ZFAND4: variants seen among roughly 807,000 people sequenced by gnomAD.
The protein encoded by ZFAND4 is zinc finger AN1-type containing 4.
A neutral mutation model predicts 64.4 loss-of-function variants in ZFAND4; 43 were observed. That is an observed-to-expected ratio of 0.67 (90% CI 0.52 to 0.86). ZFAND4 has a LOEUF of 0.86. Ranked by LOEUF, ZFAND4 falls within the 40% of genes least tolerant of loss-of-function variation. The pLI is 0.00. For missense variants in ZFAND4, 929 were observed against 859.8 expected, an observed-to-expected ratio of 1.08 and a Z score of -1.01; for synonymous variants, 296 against 305.7, an observed-to-expected ratio of 0.97 and a Z score of 0.33.
intron 6 of ZFAND4, among the ~76,000 whole-genome samples, chr10:45,635,227 AAC>A (rs1450405123): frequency 7.2e-5 from 10 of 138,616 alleles, no homozygotes; most frequent in South Asian, 2.2e-4. Context: ...AAAAAAAACA[AAC>A]AAAAAAAAAC....
intron 9 of ZFAND4, among the ~76,000 whole-genome samples, chr10:45,617,613 A>G (rs1400400260): frequency 6.9e-6 from 1 of 145,734 alleles, no homozygotes; most frequent in African/African-American, 2.5e-5. Flanking sequence ...AAAAAAAAAA[A>G]GTCCGCAGCA....
intron 5 of ZFAND4, among the ~76,000 whole-genome samples, chr10:45,647,132 A>G (rs1262041703): frequency 6.6e-6 from 1 of 152,180 alleles, no homozygotes; most frequent in Non-Finnish European, 1.5e-5. Context: ...ATGGCAAAGG[A>G]CGTTGCAGAT....
Position 45,635,203 on chromosome 10 carries a change from A to AC in ZFAND4, c.717+4612_717+4613insG, listed in dbSNP as rs1208609050. 1.1e-3 allele frequency among the ~76,000 whole-genome samples: 159 copies of AC among 146,000 alleles called. 5 individuals carry two copies. Among genetic ancestry groups the AC allele is most frequent in the South Asian group, 5.1e-3 (24 of 4,682 alleles). On this transcript the variant is annotated intron_variant, in intron 6 of 9. Coordinates refer to ENST00000344646, the MANE Select transcript of ZFAND4 (RefSeq NM_174890.4). ...AGTCAAAGCCATCTAAGCAAAAAAAAAAAAAAAAAACAAAAAAAAAACAAA... is the reference window on the plus strand; with the variant it reads ...AGTCAAAGCCATCTAAGCAAAAAAAACAAAAAAAAAACAAAAAAAAAACAAA...
chr10:45,626,359 C>T lies in ZFAND4; in HGVS notation c.1464G>A (p.Val488=). The T allele has an allele frequency of 2.5e-6, 4 of 1,614,176 alleles. No individual in the cohort carries two copies. Among genetic ancestry groups the T allele is most frequent in the Non-Finnish European group, 3.4e-6 (4 of 1,180,036 alleles). ...AACATTTGGACTGTCTCTCTGGTTT[C>T]ACCAGAGAATTATGTAGCGACATTG... The part of the protein sequence containing the change: ...SAPMSLHNSL[V]KPERQSKCFE... The change falls in exon 7 of 10, where the codon GTG becomes GTA. Residue 488 remains valine, a synonymous_variant. Transcript: ENST00000344646.
At chr10:45,662,867 T>C (rs1015905241) in intron 2 of ZFAND4, among the ~76,000 whole-genome samples, 17 of 152,224 alleles carry the variant, frequency 1.1e-4, no homozygotes, top group Admixed American at 2.6e-4. Flanking sequence ...TTTACTGTTA[T>C]ATGGAACAAT....
chr10:45,653,096 T>C (rs1191940380), intron 2 of ZFAND4, 37 bp from the exon 3 acceptor site: 2 of 1,419,338 alleles, frequency 1.4e-6, no homozygotes, highest in Non-Finnish European at 2.0e-6. Flanking sequence ...TGTTAAAGAA[T>C]TCAATAGCAT....
intron 8 of ZFAND4, 107 bp downstream of exon 8, chr10:45,624,476 T>C (rs563205083): frequency 2.1e-6 from 2 of 971,334 alleles, no homozygotes; most frequent in African/African-American, 1.6e-5. Flanking sequence ...ATTTACTCTG[T>C]ACATGCCACA....
At chr10:45,629,085 T>G (rs975918730) in intron 6 of ZFAND4, among the ~76,000 whole-genome samples, 1 of 151,706 alleles carries the variant, frequency 6.6e-6, no homozygotes, top group African/African-American at 2.4e-5. Context: ...TATTTTTATG[T>G]GTATTTTTTG....
chr10:45,658,233 T>C (rs1564625128), intron 2 of ZFAND4, among the ~76,000 whole-genome samples: 1 of 151,986 alleles, frequency 6.6e-6, no homozygotes, highest in Non-Finnish European at 1.5e-5. Flanking sequence ...AAGGAGAAAT[T>C]TGGAGGCAGA....
chr10:45,661,549 T>C (rs2048471849), intron 2 of ZFAND4, among the ~76,000 whole-genome samples: 1 of 152,194 alleles, frequency 6.6e-6, no homozygotes, highest in Non-Finnish European at 1.5e-5. Context: ...CTGCCCTCCG[T>C]ATTCCATATC....
At chr10:45,622,739 T>G (rs2045520567) in intron 8 of ZFAND4, among the ~76,000 whole-genome samples, 1 of 152,234 alleles carries the variant, frequency 6.6e-6, no homozygotes, top group Admixed American at 6.5e-5. Flanking sequence ...GTTCAGAACA[T>G]CAGATACTTC....
Position 45,626,180 on chromosome 10 carries a change from T to A in ZFAND4, c.1643A>T (p.Asp548Val), listed in dbSNP as rs758917398. The A allele has an allele frequency of 6.2e-7, 1 of 1,614,150 alleles. No individual in the cohort carries two copies. The highest frequency in any genetic ancestry group is 8.5e-7 in the Non-Finnish European group (1 of 1,180,046). ...AGCCTTGTTAGTCATTTCTGTGATA[T>A]CCCGAGCCTCAACTTTGGAAATAAC... The part of the protein sequence containing the change: ...SDVISKVEAR[D>V]ITEMTNKASK... The change falls in exon 7 of 10, where the codon GAT becomes GTT. Residue 548 changes from aspartate to valine, a missense_variant. Physicochemically the swap from Asp to Val is radical, Grantham distance 152 (BLOSUM62 -3). Coordinates refer to ENST00000344646, the MANE Select transcript of ZFAND4 (RefSeq NM_174890.4).
rs764617835 is a variant in ZFAND4, at chr10:45,663,685, T to A, written c.41A>T (p.Asn14Ile). ...AAGTCTGTAGTAAAATGGTCCCATG[T>A]TATCATCATTGAAGAATGGAGGCTC... is the stretch of plus-strand genomic sequence containing the variant. The part of the protein sequence containing the change: ...RKEPPFFNDD[N>I]MGPFYYRLHF... Residue 14 changes from asparagine to isoleucine, a missense_variant, in exon 2 of 10, where the codon AAC (asparagine) becomes ATC (isoleucine). Physicochemically the swap from Asn to Ile is moderately radical, Grantham distance 149 (BLOSUM62 -3). Transcript: ENST00000344646. 2.5e-6 allele frequency: 4 copies of A among 1,605,326 alleles called. No homozygotes were observed. In the East Asian group the frequency reaches 9.0e-5, roughly 36 times the overall value.
At chr10:45,662,480 G>T (rs2048544907) in intron 2 of ZFAND4, 2 of 488,262 alleles carry the variant, frequency 4.1e-6, no homozygotes, top group Non-Finnish European at 2.7e-6. Context: ...TACAACGCAA[G>T]ATTTCACCTT....
In ZFAND4 at chr10:45,626,652, C is replaced by T. The variant is rs149469083; in HGVS notation, c.1171G>A (p.Glu391Lys). 5.0e-6 allele frequency: 8 copies of T among 1,614,044 alleles called. No homozygotes were observed. The African/African-American group carries it at 5.3e-5, about 11-fold the overall frequency. Residue 391 changes from glutamate (E) to lysine (K), a missense_variant, in exon 7 of 10, where the codon GAA (glutamate) becomes AAA (lysine). Glu to Lys is a moderately conservative substitution (Grantham distance 56). Coordinates refer to ENST00000344646, the MANE Select transcript of ZFAND4 (RefSeq NM_174890.4). The stretch of plus-strand genomic sequence containing the variant: ...CCCACTTTAGGTAGAAGTGATTGTT[C>T]GGTTACACATTCTTCTGAAGGTAAG... The part of the protein sequence containing the change: ...IVLPSEECVT[E>K]QSLLPKVGSL...
chr10:45,648,147 A>G (rs1461086216), intron 5 of ZFAND4, 147 bp downstream of exon 5: 8 of 766,980 alleles, frequency 1.0e-5, no homozygotes, highest in Non-Finnish European at 1.5e-5. Context: ...CCCACTCTAA[A>G]AAAACCTCAG....
intron 6 of ZFAND4, among the ~76,000 whole-genome samples, chr10:45,638,553 C>G (rs980792473): frequency 1.3e-5 from 2 of 152,014 alleles, no homozygotes; most frequent in African/African-American, 4.8e-5. Flanking sequence ...TGGCATAATA[C>G]TAAAGTTAAA....
intron 9 of ZFAND4, among the ~76,000 whole-genome samples, chr10:45,617,312 G>T (rs117396780): frequency 2.0e-5 from 3 of 151,756 alleles, no homozygotes; most frequent in African/African-American, 4.8e-5. Flanking sequence ...GTTTTCATTC[G>T]AACCGAATAC....
chr10:45,657,014 CTTTTTT>C (rs199943085), intron 2 of ZFAND4, among the ~76,000 whole-genome samples: 1 of 137,258 alleles, frequency 7.3e-6, no homozygotes, highest in African/African-American at 2.7e-5. Flanking sequence ...GCAACCTGAA[CTTTTTT>C]TTTTTTTTTT....
Sources: gnomAD v4.1 joint callset for allele counts (sites outside exome capture counted in the v4.1 genomes callset) on GRCh38, gnomAD v4.1.1 for gene constraint, MANE v1.5 for transcripts, NCBI Gene and HGNC (gene_info 2026-07-23, HGNC 2026-07-21) for gene names.